The following SCD5 variants were observed in gnomAD, a reference collection of about 807,000 sequenced individuals.
The protein encoded by SCD5 is acyl-CoA-desaturase 4.
Under a neutral mutation model 30.4 loss-of-function variants are expected in SCD5, and 20 were observed. The observed-to-expected ratio is 0.66, with a 90% CI of 0.46 to 0.96. The LOEUF (loss-of-function observed/expected upper bound fraction) is 0.96, where lower values mean the gene tolerates loss of function less well. Ranked by LOEUF, SCD5 falls within the 40% of genes least tolerant of loss-of-function variation. The pLI is 0.00. For synonymous variants in SCD5, 173 were observed against 176.4 expected (o/e 0.98, Z 0.16); for missense variants, 381 against 443.3 (o/e 0.86, Z 1.26).
intron 1 of SCD5, among the ~76,000 whole-genome samples, chr4:82,726,651 T>C (rs745966776): frequency 2.6e-5 from 4 of 151,968 alleles, no homozygotes; most frequent in Non-Finnish European, 1.5e-5. Flanking sequence ...ACAATTTTCA[T>C]AAACAATATT....
At chr4:82,698,721 T>C (rs964668472) in intron 2 of SCD5, among the ~76,000 whole-genome samples, 2 of 152,204 alleles carry the variant, frequency 1.3e-5, no homozygotes, top group Non-Finnish European at 2.9e-5. Context: ...CTCCTCCCTC[T>C]GGATGCTCTT....
intron 3 of SCD5, among the ~76,000 whole-genome samples, chr4:82,667,813 T>A (rs531192271): frequency 7.9e-5 from 12 of 152,188 alleles, no homozygotes; most frequent in Non-Finnish European, 1.8e-4. Flanking sequence ...AGGGACATTC[T>A]CAAAATTTTT....
intron 3 of SCD5, among the ~76,000 whole-genome samples, chr4:82,662,875 A>AAC (rs1560527316): frequency 2.0e-5 from 3 of 151,944 alleles, no homozygotes; most frequent in Middle Eastern, 3.4e-3. Flanking sequence ...AAAAAAAAAA[A>AAC]ACACACATGG....
chr4:82,714,796 C>G (rs1262355246), intron 1 of SCD5, among the ~76,000 whole-genome samples: 1 of 151,894 alleles, frequency 6.6e-6, no homozygotes, highest in Non-Finnish European at 1.5e-5. Context: ...GATGTTCAAC[C>G]AGTAAGTATA....
chr4:82,777,431 G>C (rs1172780146), intron 1 of SCD5, among the ~76,000 whole-genome samples: 1 of 152,228 alleles, frequency 6.6e-6, no homozygotes, highest in Admixed American at 6.5e-5. Flanking sequence ...CTATGGTTTA[G>C]TCAATTCCCT....
intron 1 of SCD5, among the ~76,000 whole-genome samples, chr4:82,724,789 C>T (rs996677390): frequency 6.6e-6 from 1 of 152,156 alleles, no homozygotes; most frequent in Non-Finnish European, 1.5e-5. Context: ...AAACTGCTGT[C>T]GTTGTGCCTG....
chr4:82,775,700 T>C (rs112090098), intron 1 of SCD5: 7,645 of 151,754 alleles, frequency 0.05, 270 homozygotes, highest in Middle Eastern at 0.085. Context: ...CTAGAAAAAA[T>C]TTAAAAATTA....
chr4:82,734,432 T>C (rs1306640674), intron 1 of SCD5, among the ~76,000 whole-genome samples: 1 of 152,190 alleles, frequency 6.6e-6, no homozygotes, highest in Non-Finnish European at 1.5e-5. Context: ...TTCCTCTACG[T>C]ATAATCGAGG....
chr4:82,763,660 C>G (rs900232416), intron 1 of SCD5, among the ~76,000 whole-genome samples: 1 of 152,206 alleles, frequency 6.6e-6, no homozygotes, highest in East Asian at 1.9e-4. Flanking sequence ...GGAAAGACCA[C>G]GTGAAGCGGC....
chr4:82,685,055 T>C (rs1384229421), intron 2 of SCD5, among the ~76,000 whole-genome samples: 2 of 152,220 alleles, frequency 1.3e-5, no homozygotes, highest in African/African-American at 4.8e-5. Flanking sequence ...TACTGAATTG[T>C]AGGTTCCAGT....
intron 2 of SCD5, among the ~76,000 whole-genome samples, chr4:82,697,521 T>C (rs1021192871): frequency 2.6e-5 from 4 of 152,196 alleles, no homozygotes; most frequent in African/African-American, 4.8e-5. Flanking sequence ...CACATTTTCA[T>C]CCCCTTGAGG....
At chr4:82,777,140 T>A (rs1028828013) in intron 1 of SCD5, among the ~76,000 whole-genome samples, 2 of 152,190 alleles carry the variant, frequency 1.3e-5, no homozygotes, top group Non-Finnish European at 2.9e-5. Flanking sequence ...AGCACCTTAA[T>A]TAATTAGCCC....
intron 1 of SCD5, among the ~76,000 whole-genome samples, chr4:82,791,523 G>A (rs1203399702): frequency 6.6e-6 from 1 of 152,162 alleles, no homozygotes; most frequent in Non-Finnish European, 1.5e-5. Flanking sequence ...AGGAGGAGCT[G>A]AACAGAGGGA....
At chr4:82,756,326 C>A (rs140100430) in intron 1 of SCD5, among the ~76,000 whole-genome samples, 3 of 152,328 alleles carry the variant, frequency 2.0e-5, no homozygotes, top group East Asian at 3.9e-4. Flanking sequence ...TGAGAGCAGG[C>A]GCTGGAGTTA....
chr4:82,666,072 G>A (rs901212868), intron 3 of SCD5, among the ~76,000 whole-genome samples: 5 of 151,912 alleles, frequency 3.3e-5, no homozygotes, highest in African/African-American at 1.2e-4. Context: ...GAGCTGCGGG[G>A]TTATAGAAAT....
intron 1 of SCD5, among the ~76,000 whole-genome samples, chr4:82,746,955 C>A (rs896622502): frequency 1.3e-4 from 3 of 23,302 alleles, no homozygotes; most frequent in Non-Finnish European, 4.3e-4. Context: ...GACACAAGGG[C>A]GTCAGGGGGA....
chr4:82,703,187 T>G (rs1719892910), intron 2 of SCD5, among the ~76,000 whole-genome samples: 1 of 152,238 alleles, frequency 6.6e-6, no homozygotes, highest in African/African-American at 2.4e-5. Flanking sequence ...GAATGAATTT[T>G]AAAAATCCAC....
intron 1 of SCD5, among the ~76,000 whole-genome samples, chr4:82,733,842 G>A (rs1462583020): frequency 6.6e-6 from 1 of 152,134 alleles, no homozygotes; most frequent in Non-Finnish European, 1.5e-5. Context: ...ACCACCCTCT[G>A]ACTCAGAACT....
intron 1 of SCD5, among the ~76,000 whole-genome samples, chr4:82,780,977 G>A (rs1256387526): frequency 6.6e-6 from 1 of 152,216 alleles, no homozygotes; most frequent in African/African-American, 2.4e-5. Context: ...CCCTGGCTAG[G>A]TCTAGAAGGC....
Sources: gnomAD v4.1 joint callset for allele counts (sites outside exome capture counted in the v4.1 genomes callset) on GRCh38, gnomAD v4.1.1 for gene constraint, MANE v1.5 for transcripts, NCBI Gene and HGNC (gene_info 2026-07-23, HGNC 2026-07-21) for gene names.